RASGEF1C: variants seen among roughly 807,000 people sequenced by gnomAD.
The protein encoded by RASGEF1C is ras-GEF domain-containing family member 1C.
Under a neutral mutation model 58.1 loss-of-function variants are expected in RASGEF1C, and 27 were observed. The ratio of observed to expected loss-of-function variants is 0.46; its 90% CI spans 0.34 to 0.64. The LOEUF is 0.64. RASGEF1C is among the 30% of genes least tolerant of loss of function. The pLI is 0.01. For synonymous variants in RASGEF1C, 243 were observed against 246.3 expected (o/e 0.99, Z 0.13); for missense variants, 502 against 605.1 (o/e 0.83, Z 1.79).
intron 1 of RASGEF1C, among the ~76,000 whole-genome samples, chr5:180,153,066 T>A (rs1235894016): frequency 6.6e-6 from 1 of 152,194 alleles, no homozygotes; most frequent in Non-Finnish European, 1.5e-5. Flanking sequence ...TTACTGCTTT[T>A]GAATGTTCTA....
chr5:180,122,689 C>T (rs945184097), intron 6 of RASGEF1C, among the ~76,000 whole-genome samples: 4 of 147,094 alleles, frequency 2.7e-5, no homozygotes, highest in African/African-American at 5.0e-5. Context: ...TGCAGTGAGC[C>T]GAGATTGTGC....
intron 1 of RASGEF1C, among the ~76,000 whole-genome samples, chr5:180,150,089 C>T (rs1766722593): frequency 6.6e-6 from 1 of 152,168 alleles, no homozygotes; most frequent in Non-Finnish European, 1.5e-5. Context: ...TCCTGTTCCT[C>T]AGACTCAATA....
At chr5:180,105,164 T>C (rs985953019) in intron 12 of RASGEF1C, among the ~76,000 whole-genome samples, 3 of 152,200 alleles carry the variant, frequency 2.0e-5, no homozygotes, top group Non-Finnish European at 4.4e-5. Context: ...CTGTAGATCT[T>C]AGTAATCTCA....
intron 1 of RASGEF1C, among the ~76,000 whole-genome samples, chr5:180,205,682 G>C (rs936748365): frequency 2.0e-5 from 3 of 150,922 alleles, no homozygotes; most frequent in Non-Finnish European, 2.9e-5. Flanking sequence ...TATTGCAATG[G>C]TCTTGAATAA....
chr5:180,136,756 T>C, intron 3 of RASGEF1C: 1 of 547,564 alleles, frequency 1.8e-6, no homozygotes, highest in Non-Finnish European at 3.2e-6. Context: ...GGCTCCATCC[T>C]CCCTGGTGAG....
chr5:180,152,617 G>A (rs1159815181), intron 1 of RASGEF1C, among the ~76,000 whole-genome samples: 8 of 149,920 alleles, frequency 5.3e-5, no homozygotes, highest in African/African-American at 2.0e-4. Flanking sequence ...AACGTTAAAT[G>A]ACGAGTTAAT....
chr5:180,119,032 G>GC (rs1317037538), intron 8 of RASGEF1C, among the ~76,000 whole-genome samples, 166 bp from the exon 9 acceptor site: 1 of 152,212 alleles, frequency 6.6e-6, no homozygotes, highest in East Asian at 1.9e-4. Context: ...GGTCAGGTAG[G>GC]CCTGCTGCCA....
rs1766477321 is a variant in RASGEF1C, at chr5:180,136,497, C to T, written c.319G>A (p.Gly107Ser). 6.4e-7 allele frequency: 1 copy of T among 1,570,622 alleles called. No homozygotes were observed. The highest frequency in any genetic ancestry group is 8.6e-7 in the Non-Finnish European group (1 of 1,157,314). ...GCCAACAGCTGCAGCAGTTTGGGGC[C>T]GAACTTCCGGACCCGGGCCTACGGG... ...VLDKARVRKF[G>S]PKLLQLLAEW... Residue 107 changes from glycine (G) to serine (S), a missense_variant, in exon 4 of 14, where the codon GGC becomes AGC. By Grantham distance (56) the Gly-to-Ser change is moderately conservative (BLOSUM62 0). Coordinates refer to ENST00000361132, the MANE Select transcript of RASGEF1C (RefSeq NM_175062.4).
intron 6 of RASGEF1C, among the ~76,000 whole-genome samples, chr5:180,127,033 G>T (rs1174563622): frequency 6.6e-6 from 1 of 152,200 alleles, no homozygotes; most frequent in South Asian, 2.1e-4. Flanking sequence ...GAGGGCAGAA[G>T]GCACAATGTT....
At chr5:180,160,426 G>A (rs867195867) in intron 1 of RASGEF1C, among the ~76,000 whole-genome samples, 21 of 152,176 alleles carry the variant, frequency 1.4e-4, no homozygotes, top group African/African-American at 3.6e-4. Context: ...TGGGCTCCAC[G>A]CTGCAGAGGG....
rs1275701547 is a variant in RASGEF1C, at chr5:180,209,119, G to GCCGCCGCCGCCGCCGACCGGGGCGCCGC, written c.-99_-98insGCGGCGCCCCGGTCGGCGGCGGCGGCGG. 2.5e-3 allele frequency: 10 copies of GCCGCCGCCGCCGCCGACCGGGGCGCCGC among 4,060 alleles called. No individual in the cohort carries two copies. The highest frequency in any genetic ancestry group is 0.013 in the South Asian group (3 of 232). 0.3% of individuals were successfully genotyped at this position (4,060 alleles called of 1,614,324 possible). A position where few individuals can be genotyped will look rare whatever the true frequency, so the allele number is the denominator to read the frequency against. ...GCGGACCGGGGCGCCGCCCGCCGCC[G>GCCGCCGCCGCCGCCGACCGGGGCGCCGC]CCGCCGCCGCCGCCGCCGCCGCCGC... is the stretch of plus-strand genomic sequence containing the variant. On this transcript the variant is annotated 5_prime_UTR_variant, in exon 1 of 14. Coordinates refer to ENST00000361132, the MANE Select transcript of RASGEF1C (RefSeq NM_175062.4).
At chr5:180,194,914 C>CT in intron 1 of RASGEF1C, among the ~76,000 whole-genome samples, 1 of 152,334 alleles carries the variant, frequency 6.6e-6, no homozygotes, top group East Asian at 1.9e-4. Flanking sequence ...GCTTCTCCAC[C>CT]TGCCTTTCTT....
chr5:180,157,810 G>C (rs1490551947), intron 1 of RASGEF1C, among the ~76,000 whole-genome samples: 1 of 152,164 alleles, frequency 6.6e-6, no homozygotes, highest in Non-Finnish European at 1.5e-5. Context: ...AGGTTTAGTG[G>C]GGAGGGAGGA....
At chr5:180,154,183 G>C (rs763771689) in intron 1 of RASGEF1C, among the ~76,000 whole-genome samples, 2 of 152,166 alleles carry the variant, frequency 1.3e-5, no homozygotes, top group Non-Finnish European at 2.9e-5. Flanking sequence ...CCCTGGGCAG[G>C]TGTCTGGAGC....
chr5:180,117,832 A>G (rs1766094334), intron 10 of RASGEF1C, among the ~76,000 whole-genome samples: 1 of 152,048 alleles, frequency 6.6e-6, no homozygotes, highest in African/African-American at 2.4e-5. Flanking sequence ...CGCCTCTACT[A>G]AAAATACAAA....
At chr5:180,110,282 T>C (rs957163979) in intron 12 of RASGEF1C, among the ~76,000 whole-genome samples, 2 of 151,960 alleles carry the variant, frequency 1.3e-5, no homozygotes, top group African/African-American at 4.8e-5. Flanking sequence ...GGGAGGTGGC[T>C]ACAGATAGGG....
intron 1 of RASGEF1C, among the ~76,000 whole-genome samples, chr5:180,140,348 G>A (rs1766556494): frequency 1.3e-5 from 2 of 152,304 alleles, no homozygotes; most frequent in South Asian, 4.1e-4. Context: ...GTTTTTTCCT[G>A]TGGTTGCCAA....
At chr5:180,173,640 C>A (rs1222805796) in intron 1 of RASGEF1C, among the ~76,000 whole-genome samples, 6 of 152,136 alleles carry the variant, frequency 3.9e-5, no homozygotes, top group Non-Finnish European at 8.8e-5. Context: ...GTTGGCCGGG[C>A]ACGGTGGCTC....
At chr5:180,127,749 C>A in intron 5 of RASGEF1C, 66 bp from the exon 6 acceptor site, 1 of 1,483,962 alleles carries the variant, frequency 6.7e-7, no homozygotes, top group South Asian at 1.2e-5. Flanking sequence ...CACTGGGGGG[C>A]CTGCCGTGGT....
Sources: gnomAD v4.1 joint callset for allele counts (sites outside exome capture counted in the v4.1 genomes callset) on GRCh38, gnomAD v4.1.1 for gene constraint, MANE v1.5 for transcripts, NCBI Gene and HGNC (gene_info 2026-07-23, HGNC 2026-07-21) for gene names.